The following DTNA variants were observed in gnomAD, a reference collection of about 807,000 sequenced individuals.
The protein encoded by DTNA is dystrophin-related protein 3.
Under a neutral mutation model 100.7 loss-of-function variants are expected in DTNA, and 43 were observed. The ratio of observed to expected loss-of-function variants is 0.43; its 90% CI spans 0.33 to 0.55. The LOEUF is 0.55. Among genes scored for constraint, DTNA ranks in the 20% least tolerant of loss-of-function variants. The probability of loss-of-function intolerance (pLI) is 0.04; values close to 1 mark genes in which losing one functional copy is unlikely to be tolerated. For missense variants in DTNA, 798 were observed against 953.9 expected (o/e 0.84, Z 2.15); for synonymous variants, 349 against 347.9 (o/e 1.00, Z -0.04).
chr18:34,496,660 G>T (rs1005011546), intron 1 of DTNA, among the ~76,000 whole-genome samples: 3 of 152,020 alleles, frequency 2.0e-5, no homozygotes, highest in Non-Finnish European at 4.4e-5. Context: ...CTGCACAGGG[G>T]GACAAGTTTT....
chr18:34,667,383 A>G (rs1447160973), intron 1 of DTNA, among the ~76,000 whole-genome samples: 2 of 152,276 alleles, frequency 1.3e-5, no homozygotes, highest in South Asian at 2.1e-4. Flanking sequence ...CGACAATTTG[A>G]CTTCCTCTTT....
chr18:34,712,856 GTT>G (rs1568288000), intron 1 of DTNA, among the ~76,000 whole-genome samples: 5 of 151,988 alleles, frequency 3.3e-5, no homozygotes, highest in Non-Finnish European at 7.4e-5. Context: ...ATATTTAACA[GTT>G]TTTTAACATG....
intron 1 of DTNA, among the ~76,000 whole-genome samples, chr18:34,731,205 C>T (rs796427471): frequency 2.6e-5 from 4 of 152,318 alleles, no homozygotes; most frequent in East Asian, 1.9e-4. Flanking sequence ...TGTGGCCGGG[C>T]GCGGTGGCTC....
intron 3 of DTNA, among the ~76,000 whole-genome samples, chr18:34,782,429 T>C (rs999926519): frequency 6.6e-6 from 1 of 152,188 alleles, no homozygotes; most frequent in African/African-American, 2.4e-5. Flanking sequence ...ATATAAAACA[T>C]TCAGGAAAAA....
chr18:34,884,797 G>A (rs1568907249), intron 22 of DTNA, 21 bp downstream of exon 22: 2 of 1,613,086 alleles, frequency 1.2e-6, no homozygotes, highest in Non-Finnish European at 8.5e-7. Context: ...TCTTATTTAG[G>A]AGGAATCATG....
chr18:34,847,065 C>CCAAACTA (rs1441357891), intron 13 of DTNA, among the ~76,000 whole-genome samples: 1 of 152,124 alleles, frequency 6.6e-6, no homozygotes, highest in Admixed American at 6.6e-5. Flanking sequence ...AACCAATAAG[C>CCAAACTA]CAAACTACAA....
At chr18:34,727,653 C>T (rs1234635322) in intron 1 of DTNA, among the ~76,000 whole-genome samples, 1 of 152,136 alleles carries the variant, frequency 6.6e-6, no homozygotes, top group Non-Finnish European at 1.5e-5. Flanking sequence ...CAACCTCCAC[C>T]TCCCAGGTTC....
intron 1 of DTNA, among the ~76,000 whole-genome samples, chr18:34,617,511 C>A (rs1024650419): frequency 1.3e-5 from 2 of 152,220 alleles, no homozygotes; most frequent in Admixed American, 1.3e-4. Context: ...TGATGTGCTG[C>A]TGGATTCAGT....
chr18:34,853,808 G>A (rs1381166790), intron 15 of DTNA, among the ~76,000 whole-genome samples: 1 of 152,048 alleles, frequency 6.6e-6, no homozygotes, highest in African/African-American at 2.4e-5. Context: ...ATTTGTTCAG[G>A]ATACTCACAA....
At chr18:34,877,241 C>A (rs946189092) in intron 18 of DTNA, among the ~76,000 whole-genome samples, 2 of 152,142 alleles carry the variant, frequency 1.3e-5, no homozygotes, top group African/African-American at 4.8e-5. Flanking sequence ...TAGGAGACAG[C>A]GCATGTCCTA....
At chr18:34,580,904 G>A (rs1421210378) in intron 1 of DTNA, among the ~76,000 whole-genome samples, 2 of 152,086 alleles carry the variant, frequency 1.3e-5, no homozygotes, top group African/African-American at 4.8e-5. Flanking sequence ...CTGTGGTTGT[G>A]GGGCCTCAGT....
chr18:34,659,479 A>G (rs1163792712), intron 1 of DTNA, among the ~76,000 whole-genome samples: 1 of 152,128 alleles, frequency 6.6e-6, no homozygotes, highest in African/African-American at 2.4e-5. Flanking sequence ...GCCCAGGTAT[A>G]AGGCAGGCAC....
At chr18:34,709,070 A>C (rs2082466739), upstream of DTNA, among the ~76,000 whole-genome samples, 1 of 152,122 alleles carries the variant, frequency 6.6e-6, no homozygotes, top group African/African-American at 2.4e-5. Context: ...TTCTGTGCAG[A>C]TCTCTGAAGG....
chr18:34,546,023 C>T (rs933457433), intron 1 of DTNA, among the ~76,000 whole-genome samples: 3 of 152,018 alleles, frequency 2.0e-5, no homozygotes, highest in Non-Finnish European at 4.4e-5. Context: ...CTGTAGTACT[C>T]ATATAATCAT....
At chr18:34,654,870 G>A (rs1329143854) in intron 1 of DTNA, among the ~76,000 whole-genome samples, 1 of 152,042 alleles carries the variant, frequency 6.6e-6, no homozygotes, top group African/African-American at 2.4e-5. Flanking sequence ...GGGATTACAG[G>A]TGTGTGCCAC....
chr18:34,597,272 AT>A (rs1278211963), intron 1 of DTNA, among the ~76,000 whole-genome samples: 1 of 152,106 alleles, frequency 6.6e-6, no homozygotes, highest in Non-Finnish European at 1.5e-5. Flanking sequence ...TCCCACAAGC[AT>A]CCTTCACTCT....
rs918069619 is a variant in DTNA at position 34,888,479 on chromosome 18, G to A, written c.*745G>A. 4.1e-6 allele frequency: 4 copies of A among 985,482 alleles called. No homozygotes were observed. In the African/African-American group the frequency reaches 7.0e-5, roughly 17 times the overall value. The allele number at this position is 985,482 out of a possible 1,614,324, so 61.0% of individuals were successfully genotyped here. On this transcript the variant is annotated 3_prime_UTR_variant, in exon 23 of 23. Coordinates refer to ENST00000444659, the MANE Select transcript of DTNA (RefSeq NM_001386795.1). ...CTTTGGGGCCTCTTTCCAACTCGAGGTTGTTTTCTTTCAAGATACTCTAAT... is the reference window on the plus strand; with the variant it reads ...CTTTGGGGCCTCTTTCCAACTCGAGATTGTTTTCTTTCAAGATACTCTAAT...
intron 1 of DTNA, among the ~76,000 whole-genome samples, chr18:34,695,112 C>A (rs2080330034): frequency 1.3e-5 from 2 of 152,260 alleles, no homozygotes; most frequent in South Asian, 4.2e-4. Flanking sequence ...CCTTCCCATT[C>A]TCTCCTGGAT....
At chr18:34,605,893 A>G (rs1568000724) in intron 1 of DTNA, among the ~76,000 whole-genome samples, 1 of 152,146 alleles carries the variant, frequency 6.6e-6, no homozygotes, top group Non-Finnish European at 1.5e-5. Flanking sequence ...AATTCCAACT[A>G]CTACCCAAAA....
Sources: gnomAD v4.1 joint callset for allele counts (sites outside exome capture counted in the v4.1 genomes callset) on GRCh38, gnomAD v4.1.1 for gene constraint, MANE v1.5 for transcripts, NCBI Gene and HGNC (gene_info 2026-07-23, HGNC 2026-07-21) for gene names.